Variants in LHFPL1 observed in about 807,000 individuals in gnomAD.
LHFPL1 encodes the protein LHFPL tetraspan subfamily member 1 protein.
In LHFPL1, 4 loss-of-function variants were observed where a neutral mutation model predicts 12.1. The ratio of observed to expected loss-of-function variants is 0.33; its 90% CI spans 0.16 to 0.76. The LOEUF (loss-of-function observed/expected upper bound fraction) is 0.76, where lower values mean the gene tolerates loss of function less well. Among genes scored for constraint, LHFPL1 ranks in the 30% least tolerant of loss-of-function variants. The pLI, the probability that LHFPL1 is intolerant of heterozygous loss-of-function variation, is 0.61. For missense variants in LHFPL1, 141 were observed against 174.1 expected, an observed-to-expected ratio of 0.81 and a Z score of 1.07; for synonymous variants, 52 against 61.9, an observed-to-expected ratio of 0.84 and a Z score of 0.75.
intron 3 of LHFPL1, among the ~76,000 whole-genome samples, chrX:112,659,635 T>C (rs1282524028): frequency 8.9e-6 from 1 of 111,987 alleles, no homozygotes; most frequent in Non-Finnish European, 1.9e-5. Flanking sequence ...TAGGAAAAAT[T>C]TGCTGAATCT....
At chrX:112,631,801 T>C (rs1267312816) in intron 3 of LHFPL1, among the ~76,000 whole-genome samples, 200 bp from the exon 4 acceptor site, 1 of 111,915 alleles carries the variant, frequency 8.9e-6, no homozygotes, top group Non-Finnish European at 1.9e-5. Context: ...CTGCTGATCT[T>C]TGCTTCAGCA....
At chrX:112,651,837 T>C (rs1049309938) in intron 3 of LHFPL1, among the ~76,000 whole-genome samples, 1 of 111,881 alleles carries the variant, frequency 8.9e-6, no homozygotes, top group African/African-American at 3.3e-5. Context: ...AGAAATCATA[T>C]CTTATCTCTT....
chrX:112,640,990 A>C (rs1930489787), intron 3 of LHFPL1, among the ~76,000 whole-genome samples: 1 of 112,083 alleles, frequency 8.9e-6, no homozygotes, highest in Non-Finnish European at 1.9e-5. Context: ...TTTTTGACAT[A>C]ATCCTTGAAC....
chrX:112,640,572 T>A (rs1930473173), intron 3 of LHFPL1, among the ~76,000 whole-genome samples: 1 of 111,540 alleles, frequency 9.0e-6, no homozygotes. Context: ...TTTAGAAACA[T>A]CAGTTTGTCC....
chrX:112,644,173 G>A (rs1306323545), intron 3 of LHFPL1, among the ~76,000 whole-genome samples: 1 of 112,296 alleles, frequency 8.9e-6, no homozygotes, highest in African/African-American at 3.2e-5. Flanking sequence ...GTGAGGGGCG[G>A]ATGGCCTCCT....
intron 3 of LHFPL1, among the ~76,000 whole-genome samples, chrX:112,642,051 C>T (rs1288256957): frequency 9.0e-6 from 1 of 111,013 alleles, no homozygotes; most frequent in Non-Finnish European, 1.9e-5. Context: ...ACACAGAACA[C>T]AGATATAACA....
At chrX:112,643,856 C>T (rs1343018747) in intron 3 of LHFPL1, among the ~76,000 whole-genome samples, 1 of 111,888 alleles carries the variant, frequency 8.9e-6, no homozygotes, top group Non-Finnish European at 1.9e-5. Flanking sequence ...TACGGACGTG[C>T]GGTTGAAATC....
intron 3 of LHFPL1, 21 bp downstream of exon 3, chrX:112,660,606 C>T: frequency 2.6e-6 from 3 of 1,162,097 alleles, no homozygotes; most frequent in Non-Finnish European, 3.5e-6. Context: ...CCATCACTGC[C>T]ATCTGCCCAG....
At chrX:112,678,975 T>C (rs1931730070) in intron 1 of LHFPL1, among the ~76,000 whole-genome samples, 1 of 111,923 alleles carries the variant, frequency 8.9e-6, no homozygotes, top group Non-Finnish European at 1.9e-5. Context: ...TGATTAAGCA[T>C]AAAATTCAAG....
At chrX:112,674,389 T>A (rs1931597179) in intron 1 of LHFPL1, among the ~76,000 whole-genome samples, 1 of 111,334 alleles carries the variant, frequency 9.0e-6, no homozygotes, top group African/African-American at 3.3e-5. Context: ...TAGGCAAGGA[T>A]TTCATGACCA....
chrX:112,679,622 A>T (rs1931749007), intron 1 of LHFPL1, among the ~76,000 whole-genome samples: 1 of 111,702 alleles, frequency 9.0e-6, no homozygotes, highest in South Asian at 3.8e-4. Flanking sequence ...GCCCTGATTC[A>T]TCTTAGCCTC....
chrX:112,674,482 AAC>A (rs766679582), intron 1 of LHFPL1, among the ~76,000 whole-genome samples: 1 of 111,734 alleles, frequency 8.9e-6, no homozygotes, highest in African/African-American at 3.3e-5. Context: ...CAGCAAAAGG[AAC>A]AGTCAGCAGA....
chrX:112,657,604 C>T lies in LHFPL1; in HGVS notation c.481+3023G>A, dbSNP rs764245260. The stretch of plus-strand genomic sequence containing the variant: ...ACACATATATATCAATGGAATAGAA[C>T]GAAGAATCCAGATATAAACCCTTAC... On this transcript the variant is annotated intron_variant, in intron 3 of 3. Transcript: ENST00000371968. 3.8e-4 allele frequency among the ~76,000 whole-genome samples: 42 copies of T among 111,729 alleles called. No individual in the cohort carries two copies. The Middle Eastern group carries it at 0.014, about 37-fold the overall frequency.
At chrX:112,653,734 A>AC (rs1930918996) in intron 3 of LHFPL1, among the ~76,000 whole-genome samples, 1 of 112,297 alleles carries the variant, frequency 8.9e-6, no homozygotes, top group South Asian at 3.7e-4. Context: ...AGACCAAGGC[A>AC]AATCTCAGGA....
At position 112,671,417 on chromosome X, in the gene LHFPL1, G is replaced by A; in HGVS notation, c.-14-13C>T. 8.3e-7 allele frequency: 1 copy of A among 1,211,254 alleles called. No individual in the cohort carries two copies. The highest frequency in any genetic ancestry group is 1.1e-6 in the Non-Finnish European group (1 of 895,416). ...GTCACAGGTTTCTCTGCAGGGATGG[G>A]GAGATGAGTTGGATCACAGCACCAA... On this transcript the variant is annotated splice_polypyrimidine_tract_variant and intron_variant, in intron 1 of 3. Transcript: ENST00000371968.
intron 3 of LHFPL1, among the ~76,000 whole-genome samples, chrX:112,657,871 T>C (rs1931054665): frequency 9.8e-6 from 1 of 102,030 alleles, no homozygotes; most frequent in Admixed American, 1.1e-4. Flanking sequence ...ATGTTGGATT[T>C]ATCAATGTAT....
At position 112,671,307 on chromosome X, in the gene LHFPL1, G is replaced by A. The variant is rs73536903; in HGVS notation, c.84C>T (p.Phe28=). The change falls in exon 2 of 4, where the codon TTC becomes TTT. Residue 28 remains phenylalanine (F), a synonymous_variant. Transcript: ENST00000371968. Reference sequence around the variant, plus strand: ...GGGATCCAAAGAGCCAGTAAGGTAGGAAGTAACTGGTAGAACTGGTCACAG... The same window carrying A: ...GGGATCCAAAGAGCCAGTAAGGTAGAAAGTAACTGGTAGAACTGGTCACAG... The part of the protein sequence containing the change: ...VTAVTSSTSY[F]LPYWLFGSQM... The A allele has an allele frequency of 5.7e-3, 6,951 of 1,210,411 alleles. 254 individuals carry two copies. In the African/African-American group the frequency reaches 0.1, roughly 18 times the overall value.
intron 3 of LHFPL1, among the ~76,000 whole-genome samples, chrX:112,637,366 T>C (rs1008118304): frequency 8.9e-6 from 1 of 112,091 alleles, no homozygotes; most frequent in African/African-American, 3.2e-5. Context: ...CGCAGTCCTA[T>C]GCCCTTCAGG....
At chrX:112,655,338 T>C (rs1370282860) in intron 3 of LHFPL1, among the ~76,000 whole-genome samples, 1 of 112,291 alleles carries the variant, frequency 8.9e-6, no homozygotes, top group Non-Finnish European at 1.9e-5. Context: ...AAGAAATTTG[T>C]GGCTATCTTT....
Sources: gnomAD v4.1 joint callset for allele counts (sites outside exome capture counted in the v4.1 genomes callset) on GRCh38, gnomAD v4.1.1 for gene constraint, MANE v1.5 for transcripts, NCBI Gene and HGNC (gene_info 2026-07-23, HGNC 2026-07-21) for gene names.